Variants in COG5 observed in about 807,000 individuals in gnomAD.
The protein encoded by COG5 is component of oligomeric golgi complex 5.
A neutral mutation model predicts 110.4 loss-of-function variants in COG5; 86 were observed. The observed-to-expected ratio is 0.78, with a 90% CI of 0.65 to 0.93. COG5 has a LOEUF of 0.93. COG5 is among the 40% of genes least tolerant of loss of function. COG5 has a pLI of 0.00. For missense variants in COG5, 1,077 were observed against 987.0 expected, an observed-to-expected ratio of 1.09 and a Z score of -1.22; for synonymous variants, 360 against 334.6, an observed-to-expected ratio of 1.08 and a Z score of -0.83.
intron 6 of COG5, among the ~76,000 whole-genome samples, chr7:107,498,602 A>C (rs1338381717): frequency 6.6e-6 from 1 of 152,172 alleles, no homozygotes; most frequent in Non-Finnish European, 1.5e-5. Context: ...TAGAATGGTT[A>C]TTATTAAAAA....
intron 8 of COG5, among the ~76,000 whole-genome samples, chr7:107,366,934 G>A (rs1813676314): frequency 6.6e-6 from 1 of 152,118 alleles, no homozygotes; most frequent in Admixed American, 6.5e-5. Context: ...CCAGTGGTAA[G>A]TATAGTGGGA....
chr7:107,374,412 A>G (rs890769253), intron 7 of COG5, among the ~76,000 whole-genome samples: 3 of 152,098 alleles, frequency 2.0e-5, no homozygotes, highest in Non-Finnish European at 2.9e-5. Flanking sequence ...CTTTAAAACT[A>G]TATTTATTGC....
intron 6 of COG5, among the ~76,000 whole-genome samples, chr7:107,478,006 AC>A (rs1372734474): frequency 2.6e-5 from 4 of 151,906 alleles, no homozygotes; most frequent in Non-Finnish European, 5.9e-5. Flanking sequence ...TCAATATGGG[AC>A]CTTTCTTCAG....
intron 19 of COG5, among the ~76,000 whole-genome samples, chr7:107,211,636 A>G (rs1799183206): frequency 6.6e-6 from 1 of 152,252 alleles, no homozygotes; most frequent in South Asian, 2.1e-4. Flanking sequence ...TCTTTGGACC[A>G]TAATCAAATG....
chr7:107,429,975 G>T (rs910791815), intron 6 of COG5, among the ~76,000 whole-genome samples: 3 of 152,110 alleles, frequency 2.0e-5, no homozygotes, highest in African/African-American at 7.2e-5. Flanking sequence ...TTTTTGAGTT[G>T]TAAGGGTCCT....
intron 5 of COG5, 70 bp from the exon 6 acceptor site, chr7:107,527,427 C>T (rs887215644): frequency 3.9e-6 from 6 of 1,536,066 alleles, no homozygotes; most frequent in Non-Finnish European, 5.3e-6. Flanking sequence ...ATAGTAATAA[C>T]AAGCACAGTG....
chr7:107,540,567 G>C (rs1054535095), intron 5 of COG5, among the ~76,000 whole-genome samples: 1 of 149,862 alleles, frequency 6.7e-6, no homozygotes, highest in African/African-American at 2.4e-5. Context: ...GACAGGGCAA[G>C]GCCCTGTCTC....
chr7:107,531,655 T>G (rs1584938700), intron 5 of COG5, among the ~76,000 whole-genome samples: 1 of 144,232 alleles, frequency 6.9e-6, no homozygotes. Context: ...GGGAGGTGGG[T>G]GTTCTGGGGT....
chr7:107,360,435 A>G (rs1289791760), intron 10 of COG5, among the ~76,000 whole-genome samples: 2 of 152,182 alleles, frequency 1.3e-5, no homozygotes. Flanking sequence ...GGGATGAAAC[A>G]TGCCTCCACT....
intron 1 of COG5, among the ~76,000 whole-genome samples, chr7:107,561,694 C>T (rs1484212573): frequency 1.3e-5 from 2 of 152,122 alleles, no homozygotes; most frequent in African/African-American, 2.4e-5. Context: ...AGCAGAGACT[C>T]GGCCGGGCGT....
At chr7:107,252,989 G>C (rs1033968574) in intron 16 of COG5, 5 of 152,072 alleles carry the variant, frequency 3.3e-5, no homozygotes, top group Admixed American at 6.6e-5. Context: ...ACTTACAATA[G>C]TAAAATACTG....
chr7:107,463,331 C>A (rs1436398112), intron 6 of COG5, among the ~76,000 whole-genome samples: 1 of 152,184 alleles, frequency 6.6e-6, no homozygotes, highest in Non-Finnish European at 1.5e-5. Flanking sequence ...CACTGCTGTA[C>A]TGGGAAATGG....
chr7:107,533,022 C>T (rs1001298837), intron 5 of COG5, among the ~76,000 whole-genome samples: 1 of 147,804 alleles, frequency 6.8e-6, no homozygotes, highest in Non-Finnish European at 1.5e-5. Context: ...ACTGGTGATA[C>T]TCAAGGACAC....
intron 6 of COG5, among the ~76,000 whole-genome samples, chr7:107,484,569 C>A (rs1363064372): frequency 6.6e-6 from 1 of 152,116 alleles, no homozygotes; most frequent in African/African-American, 2.4e-5. Context: ...TGGGTCTTCT[C>A]AATGTTTTCC....
intron 3 of COG5, among the ~76,000 whole-genome samples, chr7:107,551,482 G>T (rs965839363): frequency 1.3e-5 from 2 of 152,178 alleles, no homozygotes; most frequent in Non-Finnish European, 2.9e-5. Context: ...GAATAAAGCA[G>T]ATGAAGTAGA....
chr7:107,320,658 A>T (rs1174638031), intron 11 of COG5, among the ~76,000 whole-genome samples: 2 of 152,186 alleles, frequency 1.3e-5, no homozygotes, highest in Non-Finnish European at 2.9e-5. Flanking sequence ...GTAAAAGAAG[A>T]TCTATTTCAT....
chr7:107,327,856 TA>T (rs1424951361), intron 10 of COG5, among the ~76,000 whole-genome samples: 3 of 152,200 alleles, frequency 2.0e-5, no homozygotes, highest in Non-Finnish European at 2.9e-5. Context: ...GGTAGAAATG[TA>T]AAATAGTGTA....
intron 7 of COG5, among the ~76,000 whole-genome samples, chr7:107,392,255 G>C (rs1413830160): frequency 1.3e-5 from 2 of 152,032 alleles, no homozygotes; most frequent in African/African-American, 2.4e-5. Context: ...TGAAAATTAT[G>C]GTCTTATAAC....
chr7:107,237,076 T>C (rs1471438336), intron 17 of COG5, among the ~76,000 whole-genome samples: 1 of 152,220 alleles, frequency 6.6e-6, no homozygotes. Flanking sequence ...CAATAATGGA[T>C]CCTGAAATAG....
Sources: gnomAD v4.1 joint callset for allele counts (sites outside exome capture counted in the v4.1 genomes callset) on GRCh38, gnomAD v4.1.1 for gene constraint, MANE v1.5 for transcripts, NCBI Gene and HGNC (gene_info 2026-07-23, HGNC 2026-07-21) for gene names.